Variants in NKAIN3 observed in about 807,000 individuals in gnomAD.
NKAIN3 encodes sodium/potassium-transporting ATPase subunit beta-1-interacting protein 3.
A neutral mutation model predicts 30.2 loss-of-function variants in NKAIN3; 25 were observed. The ratio of observed to expected loss-of-function variants is 0.83; its 90% confidence interval spans 0.60 to 1.16. The LOEUF is 1.16. Ranked by LOEUF, NKAIN3 falls within the 50% of genes most tolerant of loss-of-function variation. The probability of loss-of-function intolerance (pLI) is 0.00; values close to 1 mark genes in which losing one functional copy is unlikely to be tolerated. For missense variants in NKAIN3, 225 were observed against 254.1 expected (o/e 0.89, Z 0.78); for synonymous variants, 91 against 89.6 (o/e 1.02, Z -0.09).
intron 3 of NKAIN3, among the ~76,000 whole-genome samples, chr8:62,610,059 G>T (rs961193341): frequency 7.9e-5 from 12 of 152,008 alleles, no homozygotes; most frequent in African/African-American, 2.9e-4. Flanking sequence ...AGAAACAAAG[G>T]TGGTGGCCAG....
Position 62,659,507 on chromosome 8 carries a change from A to G in NKAIN3, c.273+69713A>G, listed in dbSNP as rs982830102. Among the ~76,000 whole-genome samples the G allele has an allele frequency of 2.3e-4, 35 of 152,270 alleles. 1 individual carries two copies. ...TGACTGACTATGCCATTAATGTGAC[A>G]TAGCACCTCTGCTTTTGCTATCATT... is the stretch of plus-strand genomic sequence containing the variant. On this transcript the variant is annotated intron_variant, in intron 3 of 6. Transcript: ENST00000623646.
chr8:62,670,865 A>G (rs1231824872), intron 3 of NKAIN3, among the ~76,000 whole-genome samples: 3 of 141,818 alleles, frequency 2.1e-5, no homozygotes, highest in Non-Finnish European at 1.5e-5. Flanking sequence ...TCCTATTTTT[A>G]TGTACACATA....
intron 1 of NKAIN3, chr8:62,383,518 TCTC>T: frequency 2.2e-6 from 1 of 455,616 alleles, no homozygotes; most frequent in Non-Finnish European, 4.4e-6. Flanking sequence ...GGCAGATCTT[TCTC>T]CTCAATGATT....
intron 1 of NKAIN3, among the ~76,000 whole-genome samples, chr8:62,293,346 G>A (rs1036575419): frequency 7.9e-5 from 12 of 152,114 alleles, no homozygotes; most frequent in South Asian, 2.1e-4. Flanking sequence ...TTCTGCTATG[G>A]TTTCTCTCTG....
intron 1 of NKAIN3, 110 bp downstream of exon 1, chr8:62,249,237 G>A (rs367915914): frequency 8.8e-5 from 81 of 919,390 alleles, no homozygotes; most frequent in African/African-American, 3.8e-4. Context: ...CGGGTGAACA[G>A]GGCGCTCCGC....
chr8:62,570,578 C>T (rs1255185484), intron 1 of NKAIN3, among the ~76,000 whole-genome samples: 2 of 152,040 alleles, frequency 1.3e-5, no homozygotes, highest in East Asian at 1.9e-4. Flanking sequence ...TATCAGATAT[C>T]GTGAGGCTTA....
chr8:62,404,741 C>T (rs943413266), intron 1 of NKAIN3, among the ~76,000 whole-genome samples: 3 of 152,142 alleles, frequency 2.0e-5, no homozygotes, highest in African/African-American at 7.2e-5. Context: ...TAATACAGTG[C>T]TATACCCTAC....
chr8:62,637,630 G>C (rs1413970295), intron 3 of NKAIN3, among the ~76,000 whole-genome samples: 14 of 152,090 alleles, frequency 9.2e-5, no homozygotes, highest in Admixed American at 9.2e-4. Flanking sequence ...ACTCAAGGGG[G>C]TACTAGAATT....
chr8:62,530,631 A>T (rs1315963141), intron 1 of NKAIN3, among the ~76,000 whole-genome samples: 5 of 151,338 alleles, frequency 3.3e-5, no homozygotes, highest in Non-Finnish European at 5.9e-5. Context: ...TTTATTTATT[A>T]TTTATTTATT....
intron 1 of NKAIN3, among the ~76,000 whole-genome samples, chr8:62,529,206 G>GT (rs140632363): frequency 0.015 from 2,352 of 152,260 alleles, 58 homozygotes; most frequent in African/African-American, 0.053. Flanking sequence ...GATGCAAGGC[G>GT]TAGTGGCATT....
At chr8:62,447,470 A>G (rs988740884) in intron 1 of NKAIN3, among the ~76,000 whole-genome samples, 10 of 152,038 alleles carry the variant, frequency 6.6e-5, no homozygotes, top group Admixed American at 2.0e-4. Context: ...AGGTGGCACC[A>G]AGCGATAGGT....
At chr8:62,292,332 G>C (rs777566228) in intron 1 of NKAIN3, among the ~76,000 whole-genome samples, 5 of 152,082 alleles carry the variant, frequency 3.3e-5, no homozygotes, top group Non-Finnish European at 7.3e-5. Flanking sequence ...TCCTAGCCTC[G>C]ATGGTCTTTA....
At chr8:62,474,998 T>C (rs2056251640) in intron 1 of NKAIN3, among the ~76,000 whole-genome samples, 1 of 152,166 alleles carries the variant, frequency 6.6e-6, no homozygotes, top group South Asian at 2.1e-4. Flanking sequence ...CTCAGAGCAA[T>C]GACTATAAAA....
At chr8:62,506,476 C>CTTTTTTTTTTTTTTTTTTTTTTTTT (rs71255341) in intron 1 of NKAIN3, among the ~76,000 whole-genome samples, 25 of 98,438 alleles carry the variant, frequency 2.5e-4, no homozygotes, top group African/African-American at 5.0e-4. Context: ...TTCTTTCTTT[C>CTTTTTTTTTTTTTTTTTTTTTTTTT]TTTTTTTTTT....
rs973766351 is a variant in NKAIN3 at position 62,971,058 on chromosome 8, G to C, written c.*5651G>C. Among the ~76,000 whole-genome samples, 3 of 82,140 alleles carry C rather than the reference G, an allele frequency of 3.7e-5. No individual in the cohort carries two copies. Among genetic ancestry groups the C allele is most frequent in the African/African-American group, 1.1e-4 (2 of 18,348 alleles). 53.9% of individuals were successfully genotyped at this position (82,140 alleles called of 152,430 possible). A position where few individuals can be genotyped will look rare whatever the true frequency, so the allele number is the denominator to read the frequency against. ...CCGGATGTGATTTCCCTAGAGACAA[G>C]GACCGAGACTCCTCTCATTGCTTCA... On this transcript the variant is annotated 3_prime_UTR_variant, in exon 7 of 7. Transcript: ENST00000623646.
intron 4 of NKAIN3, among the ~76,000 whole-genome samples, chr8:62,841,128 T>C (rs1276917338): frequency 6.6e-6 from 1 of 152,100 alleles, no homozygotes; most frequent in Non-Finnish European, 1.5e-5. Flanking sequence ...TTAAGGACCC[T>C]AGAATGCGGA....
chr8:62,653,320 C>T (rs529767741), intron 3 of NKAIN3, among the ~76,000 whole-genome samples: 81 of 152,180 alleles, frequency 5.3e-4, no homozygotes, highest in African/African-American at 1.9e-3. Context: ...CTCTGTGGTT[C>T]CTCTTCTTAT....
At chr8:62,491,026 C>A (rs1241836099) in intron 1 of NKAIN3, among the ~76,000 whole-genome samples, 1 of 152,156 alleles carries the variant, frequency 6.6e-6, no homozygotes, top group Non-Finnish European at 1.5e-5. Context: ...TTAGTAAGAA[C>A]CAATACTGAT....
intron 3 of NKAIN3, among the ~76,000 whole-genome samples, chr8:62,675,503 A>T (rs1813445785): frequency 6.6e-6 from 1 of 152,222 alleles, no homozygotes; most frequent in Non-Finnish European, 1.5e-5. Flanking sequence ...GGTGATGGAA[A>T]GTAGCAAGAG....
Sources: gnomAD v4.1 joint callset for allele counts (sites outside exome capture counted in the v4.1 genomes callset) on GRCh38, gnomAD v4.1.1 for gene constraint, MANE v1.5 for transcripts, NCBI Gene and HGNC (gene_info 2026-07-23, HGNC 2026-07-21) for gene names.